CAPZB: variants seen among roughly 807,000 people sequenced by gnomAD.
CAPZB encodes capping actin protein of muscle Z-line subunit beta, also known as F-actin-capping protein subunit beta.
CAPZB carries 2 observed loss-of-function variants against 38.1 expected under a neutral mutation model. The ratio of observed to expected loss-of-function variants is 0.05; its 90% CI spans 0.02 to 0.17. The LOEUF (loss-of-function observed/expected upper bound fraction) is 0.17, where lower values mean the gene tolerates loss of function less well. Among genes scored for constraint, CAPZB ranks in the 10% least tolerant of loss-of-function variants. The pLI, the probability that CAPZB is intolerant of heterozygous loss-of-function variation, is 1.00. For missense variants in CAPZB, 161 were observed against 334.2 expected (o/e 0.48, Z 4.04); for synonymous variants, 107 against 127.4 (o/e 0.84, Z 1.08).
intron 1 of CAPZB, among the ~76,000 whole-genome samples, chr1:19,479,775 C>G (rs1208770607): frequency 6.6e-6 from 1 of 152,174 alleles, no homozygotes; most frequent in Non-Finnish European, 1.5e-5. Flanking sequence ...CGAATTTCTA[C>G]CTGCCCTGTC....
chr1:19,435,546 G>C (rs1031877141), intron 1 of CAPZB, among the ~76,000 whole-genome samples: 2 of 152,314 alleles, frequency 1.3e-5, no homozygotes, highest in East Asian at 3.9e-4. Context: ...GGCAGGCGCT[G>C]ACTTAGGGCT....
intron 6 of CAPZB, among the ~76,000 whole-genome samples, chr1:19,352,419 C>G (rs1001173212): frequency 2.0e-5 from 3 of 152,254 alleles, no homozygotes; most frequent in African/African-American, 7.2e-5. Flanking sequence ...AGGGCCCTTC[C>G]CCGGATGGGA....
chr1:19,424,867 A>T (rs747286303), intron 1 of CAPZB, among the ~76,000 whole-genome samples: 3 of 152,254 alleles, frequency 2.0e-5, no homozygotes, highest in Non-Finnish European at 4.4e-5. Flanking sequence ...GCTACAGTTC[A>T]ACAACTGTGC....
At chr1:19,345,094 G>A in intron 7 of CAPZB, 93 bp downstream of exon 7, 1 of 944,858 alleles carries the variant, frequency 1.1e-6, no homozygotes, top group Non-Finnish European at 1.7e-6. Flanking sequence ...CTGAGAGAAA[G>A]CAGCAGAGAA....
intron 1 of CAPZB, among the ~76,000 whole-genome samples, chr1:19,478,776 C>T (rs753951303): frequency 1.3e-5 from 2 of 152,094 alleles, no homozygotes; most frequent in Admixed American, 6.6e-5. Flanking sequence ...ATGAATGACC[C>T]GATGGAAAAA....
intron 4 of CAPZB, among the ~76,000 whole-genome samples, chr1:19,358,934 C>A (rs536597031): frequency 5.9e-5 from 9 of 152,200 alleles, no homozygotes; most frequent in Non-Finnish European, 1.3e-4. Context: ...TCTAGCACGC[C>A]CAGCTATGAG....
intron 1 of CAPZB, among the ~76,000 whole-genome samples, chr1:19,462,751 G>A (rs2094556223): frequency 6.6e-6 from 1 of 152,220 alleles, no homozygotes; most frequent in Non-Finnish European, 1.5e-5. Flanking sequence ...TTAAAGAAAA[G>A]TTCTCAATGG....
At chr1:19,471,531 G>A (rs1455271312) in intron 1 of CAPZB, among the ~76,000 whole-genome samples, 1 of 151,620 alleles carries the variant, frequency 6.6e-6, no homozygotes, top group African/African-American at 2.4e-5. Context: ...AGGGCCCTTC[G>A]TTGGAACCAT....
intron 1 of CAPZB, among the ~76,000 whole-genome samples, chr1:19,433,378 GACC>G (rs1448351356): frequency 6.6e-6 from 1 of 152,144 alleles, no homozygotes; most frequent in Non-Finnish European, 1.5e-5. Context: ...GAAAAATGTC[GACC>G]ACGTGTTCAC....
At position 19,392,475 on chromosome 1, in the gene CAPZB, TG is replaced by T. The variant is rs540707200; in HGVS notation, c.94-6850del. ...CAGTGAGGCAGCACGCAGCACCTCC[TG>T]GGTCACTCCAAGTGTGAGGGCAGGC... On this transcript the variant is annotated intron_variant, in intron 2 of 8. Coordinates refer to ENST00000264202, the MANE Select transcript of CAPZB (RefSeq NM_004930.5). Among the ~76,000 whole-genome samples the T allele has an allele frequency of 7.8e-4, 116 of 148,958 alleles. 3 individuals carry two copies. In the South Asian group the frequency reaches 0.023, roughly 30 times the overall value.
At chr1:19,460,565 G>A (rs1027270461) in intron 1 of CAPZB, among the ~76,000 whole-genome samples, 15 of 141,828 alleles carry the variant, frequency 1.1e-4, no homozygotes, top group Non-Finnish European at 2.0e-4. Flanking sequence ...GTGAGCCACT[G>A]TGCCCAGGCT....
At chr1:19,445,192 C>A (rs2094492170) in intron 1 of CAPZB, among the ~76,000 whole-genome samples, 1 of 152,072 alleles carries the variant, frequency 6.6e-6, no homozygotes, top group Non-Finnish European at 1.5e-5. Flanking sequence ...CGATCACTAA[C>A]AGGAAGTTTG....
intron 4 of CAPZB, among the ~76,000 whole-genome samples, chr1:19,369,660 C>T (rs1411563126): frequency 1.3e-5 from 2 of 152,236 alleles, no homozygotes; most frequent in African/African-American, 4.8e-5. Flanking sequence ...AAGCGGTGCC[C>T]GTCACGGGAT....
intron 2 of CAPZB, among the ~76,000 whole-genome samples, chr1:19,411,588 CCT>C (rs1317883985): frequency 2.0e-5 from 3 of 152,216 alleles, no homozygotes; most frequent in Non-Finnish European, 4.4e-5. Flanking sequence ...TGGTTCATTT[CCT>C]TTCTCTTGCA....
intron 2 of CAPZB, 44 bp downstream of exon 2, chr1:19,419,617 C>G (rs1214275173): frequency 2.6e-6 from 3 of 1,160,754 alleles, no homozygotes; most frequent in Non-Finnish European, 3.8e-6. Context: ...GCAACTAACT[C>G]TTAGCCGCAG....
intron 1 of CAPZB, among the ~76,000 whole-genome samples, chr1:19,454,185 C>T (rs2094525787): frequency 6.6e-6 from 1 of 152,154 alleles, no homozygotes; most frequent in African/African-American, 2.4e-5. Flanking sequence ...GCTAGAAAAC[C>T]CTACAATAAA....
Position 19,350,230 on chromosome 1 carries a change from C to T in CAPZB, c.589-4978G>A, listed in dbSNP as rs112723828. Among the ~76,000 whole-genome samples, 37 of 152,410 alleles carry T rather than the reference C, an allele frequency of 2.4e-4. 1 individual carries two copies. The highest frequency in any genetic ancestry group is 3.4e-3 in the Middle Eastern group (1 of 294). The stretch of plus-strand genomic sequence containing the variant: ...CTAAGGCATGGGCCCCACTCACCGG[C>T]GCTGAGGCCCCGCAGCTCCTGTGCT... On this transcript the variant is annotated intron_variant, in intron 6 of 8. Coordinates refer to ENST00000264202, the MANE Select transcript of CAPZB (RefSeq NM_004930.5).
chr1:19,476,994 C>G (rs2094609236), intron 1 of CAPZB, among the ~76,000 whole-genome samples: 1 of 152,226 alleles, frequency 6.6e-6, no homozygotes, highest in Non-Finnish European at 1.5e-5. Flanking sequence ...TAGCTGGGGG[C>G]CCTTCAGCAA....
chr1:19,482,117 G>C (rs1224026741), intron 1 of CAPZB, among the ~76,000 whole-genome samples: 5 of 152,236 alleles, frequency 3.3e-5, no homozygotes, highest in Non-Finnish European at 5.9e-5. Flanking sequence ...CCTGTGGTCA[G>C]TCATGTCCTG....
Sources: allele counts gnomAD v4.1 joint callset (sites outside exome capture counted in the v4.1 genomes callset), GRCh38; gene constraint gnomAD v4.1.1; transcripts MANE v1.5; gene names NCBI Gene and HGNC (gene_info 2026-07-23, HGNC 2026-07-21).